The following VEPH1 variants were observed in gnomAD, a reference collection of about 807,000 sequenced individuals.
The protein encoded by VEPH1 is ventricular zone expressed PH domain containing 1.
VEPH1 carries 80 observed loss-of-function variants against 85.2 expected under a neutral mutation model. The observed-to-expected ratio is 0.94, with a 90% CI of 0.78 to 1.13. The LOEUF (loss-of-function observed/expected upper bound fraction) is 1.13. VEPH1 is among the 50% of genes most tolerant of loss of function. The pLI is 0.00. For synonymous variants in VEPH1, 297 were observed against 348.0 expected, an observed-to-expected ratio of 0.85 and a Z score of 1.63; for missense variants, 955 against 980.5, an observed-to-expected ratio of 0.97 and a Z score of 0.35.
At chr3:157,353,261 CA>C (rs1479891636) in intron 9 of VEPH1, among the ~76,000 whole-genome samples, 1 of 151,592 alleles carries the variant, frequency 6.6e-6, no homozygotes. Flanking sequence ...CCTGCACCCC[CA>C]ATCTGATTAT....
At chr3:157,499,514 C>G (rs946233526) in intron 1 of VEPH1, 2 of 152,142 alleles carry the variant, frequency 1.3e-5, no homozygotes, top group African/African-American at 4.8e-5. Context: ...CTCAGTGAAC[C>G]TGAAGTTGTT....
chr3:157,438,491 C>T (rs1038066044), intron 4 of VEPH1, among the ~76,000 whole-genome samples: 1 of 152,126 alleles, frequency 6.6e-6, no homozygotes, highest in East Asian at 1.9e-4. Context: ...GAAGGGTCAG[C>T]GGAATTCTTC....
chr3:157,388,172 G>A (rs924349982), intron 6 of VEPH1, among the ~76,000 whole-genome samples: 12 of 152,172 alleles, frequency 7.9e-5, no homozygotes, highest in Non-Finnish European at 1.6e-4. Context: ...TAAAGCAAAT[G>A]AGTTTTTTGT....
chr3:157,380,414 A>G (rs190394978), intron 7 of VEPH1, among the ~76,000 whole-genome samples: 2 of 152,324 alleles, frequency 1.3e-5, no homozygotes, highest in Admixed American at 1.3e-4. Flanking sequence ...TGAGCCTATC[A>G]TCCACTGGTC....
intron 11 of VEPH1, among the ~76,000 whole-genome samples, chr3:157,296,748 C>T (rs1322113397): frequency 6.6e-6 from 1 of 152,186 alleles, no homozygotes; most frequent in Non-Finnish European, 1.5e-5. Context: ...CTGAGTGGTA[C>T]AGAATGAAGA....
intron 4 of VEPH1, among the ~76,000 whole-genome samples, chr3:157,441,746 G>A (rs1263584980): frequency 1.3e-5 from 2 of 151,706 alleles, no homozygotes; most frequent in Non-Finnish European, 2.9e-5. Flanking sequence ...GGAAGCGAAG[G>A]TTGCCGTGAG....
chr3:157,341,675 C>T (rs563996040), intron 9 of VEPH1, among the ~76,000 whole-genome samples: 170 of 152,224 alleles, frequency 1.1e-3, no homozygotes, highest in Admixed American at 2.2e-3. Context: ...ATACAGAGAA[C>T]GTGACAAAGA....
At chr3:157,481,486 A>AAAAAAAAAAAAAAAAAAC (rs57277738) in intron 2 of VEPH1, among the ~76,000 whole-genome samples, 13 of 79,072 alleles carry the variant, frequency 1.6e-4, no homozygotes, top group African/African-American at 2.9e-4. Context: ...AAAAAAAAAA[A>AAAAAAAAAAAAAAAAAAC]CAATCCTAAG....
intron 2 of VEPH1, among the ~76,000 whole-genome samples, chr3:157,481,668 A>C (rs145749587): frequency 4.5e-4 from 69 of 152,204 alleles, no homozygotes; most frequent in African/African-American, 1.6e-3. Flanking sequence ...CTTAGTCATA[A>C]ATTCTTTCCC....
chr3:157,478,686 G>C (rs551209344), intron 2 of VEPH1, among the ~76,000 whole-genome samples: 3 of 152,134 alleles, frequency 2.0e-5, no homozygotes, highest in Non-Finnish European at 2.9e-5. Flanking sequence ...CAGTGACATT[G>C]TTGAACATAA....
At chr3:157,340,635 G>T (rs1723444776) in intron 9 of VEPH1, among the ~76,000 whole-genome samples, 2 of 152,186 alleles carry the variant, frequency 1.3e-5, no homozygotes, top group African/African-American at 2.4e-5. Flanking sequence ...AGAAACTTCT[G>T]CAAACTTAAA....
chr3:157,336,120 G>A (rs1722942586), intron 9 of VEPH1, among the ~76,000 whole-genome samples: 1 of 152,142 alleles, frequency 6.6e-6, no homozygotes, highest in Non-Finnish European at 1.5e-5. Flanking sequence ...TTTCCTTTGG[G>A]TCTTAGAAAG....
chr3:157,310,052 T>C (rs10460861), intron 11 of VEPH1, among the ~76,000 whole-genome samples: 34,311 of 152,250 alleles, frequency 0.23, 4,779 homozygotes, highest in East Asian at 0.42. Context: ...AGTGCTAGGA[T>C]TACAGGCATG....
chr3:157,287,463 T>G (rs762272292), intron 11 of VEPH1, among the ~76,000 whole-genome samples: 4 of 152,150 alleles, frequency 2.6e-5, no homozygotes, highest in Non-Finnish European at 5.9e-5. Context: ...CCCTCAGCCC[T>G]TGGCTCCAGG....
rs1007056002 is a variant in VEPH1, at chr3:157,470,512, G to A, written c.156C>T (p.Asn52=). The A allele has an allele frequency of 1.9e-6, 3 of 1,614,158 alleles. No individual in the cohort carries two copies. Among genetic ancestry groups the A allele is most frequent in the East Asian group, 2.2e-5 (1 of 44,890 alleles). The change falls in exon 3 of 14, where the codon AAC becomes AAT. Residue 52 remains asparagine (N), a synonymous_variant. Coordinates refer to ENST00000362010, the MANE Select transcript of VEPH1 (RefSeq NM_001167912.2). ...ISSSSDYQTN[N]NDQAVVEICI... ...AGATTTCAACTACTGCCTGGTCATT[G>A]TTATTGGTTTGGTAATCCTGTTTGG...
intron 12 of VEPH1, among the ~76,000 whole-genome samples, chr3:157,283,919 T>C (rs1173173165): frequency 6.6e-6 from 1 of 152,210 alleles, no homozygotes; most frequent in Non-Finnish European, 1.5e-5. Context: ...TCCCTGAGGC[T>C]GATAGGGCAG....
intron 5 of VEPH1, among the ~76,000 whole-genome samples, chr3:157,424,273 G>A (rs1184464899): frequency 6.6e-6 from 1 of 152,160 alleles, no homozygotes; most frequent in Non-Finnish European, 1.5e-5. Flanking sequence ...ATGATTCTGA[G>A]GCCTCCCTAG....
intron 2 of VEPH1, among the ~76,000 whole-genome samples, chr3:157,487,206 A>G (rs766409801): frequency 3.3e-5 from 5 of 152,100 alleles, no homozygotes; most frequent in Non-Finnish European, 7.4e-5. Flanking sequence ...GATCCTATAC[A>G]GATGATCAAT....
intron 6 of VEPH1, among the ~76,000 whole-genome samples, chr3:157,401,568 T>C (rs898200526): frequency 2.6e-5 from 4 of 152,132 alleles, no homozygotes; most frequent in African/African-American, 9.7e-5. Flanking sequence ...TCATTACTTA[T>C]AGAGAAGAAT....
Sources: gnomAD v4.1 joint callset for allele counts (sites outside exome capture counted in the v4.1 genomes callset) on GRCh38, gnomAD v4.1.1 for gene constraint, MANE v1.5 for transcripts, NCBI Gene and HGNC (gene_info 2026-07-23, HGNC 2026-07-21) for gene names.